Variants in MYLK observed in about 807,000 individuals in gnomAD.
The protein encoded by MYLK is myosin light chain kinase, also known as myosin light chain kinase, smooth muscle.
Under a neutral mutation model 203.4 loss-of-function variants are expected in MYLK, and 106 were observed. The observed-to-expected ratio is 0.52, with a 90% confidence interval of 0.45 to 0.61. The LOEUF is 0.61. Ranked by LOEUF, MYLK falls within the 20% of genes least tolerant of loss-of-function variation. MYLK has a pLI of 0.00. For synonymous variants in MYLK, 867 were observed against 959.5 expected (o/e 0.90, Z 1.78); for missense variants, 2,072 against 2,442.3 (o/e 0.85, Z 3.20).
chr3:123,703,298 G>A (rs255183), intron 16 of MYLK, among the ~76,000 whole-genome samples: 137,940 of 152,206 alleles, frequency 0.91, 64,055 homozygotes, highest in East Asian at 1. Context: ...AATCGTTGCT[G>A]TCCTCCAGCC....
At chr3:123,776,332 A>T (rs1460593685) in intron 4 of MYLK, among the ~76,000 whole-genome samples, 5 of 152,188 alleles carry the variant, frequency 3.3e-5, no homozygotes, top group Non-Finnish European at 1.5e-5. Context: ...TTCCTTACTG[A>T]TAACAGTGCA....
intron 5 of MYLK, among the ~76,000 whole-genome samples, chr3:123,740,726 A>G (rs534539026): frequency 1.3e-3 from 199 of 149,594 alleles, no homozygotes; most frequent in Non-Finnish European, 2.2e-3. Context: ...CTGCTATGCT[A>G]GACACTGCCA....
At chr3:123,615,653 C>CT (rs1553769391) in intron 33 of MYLK, among the ~76,000 whole-genome samples, 138,431 of 144,488 alleles carry the variant, frequency 0.96, 66,431 homozygotes, top group African/African-American at 0.98. Context: ...AATTTTCTAT[C>CT]TTTTTTTTTT....
At chr3:123,619,518 A>G (rs2057724150) in intron 32 of MYLK, among the ~76,000 whole-genome samples, 1 of 152,222 alleles carries the variant, frequency 6.6e-6, no homozygotes, top group African/African-American at 2.4e-5. Flanking sequence ...GTGGATACAA[A>G]AAGCACCAGG....
chr3:123,865,502 C>T (rs1273313897), intron 2 of MYLK, among the ~76,000 whole-genome samples: 3 of 152,316 alleles, frequency 2.0e-5, no homozygotes, highest in Non-Finnish European at 2.9e-5. Flanking sequence ...TCCCTGTGTT[C>T]GTGCATTCAT....
chr3:123,662,399 A>G (rs927276469), intron 23 of MYLK, among the ~76,000 whole-genome samples: 9 of 152,176 alleles, frequency 5.9e-5, no homozygotes, highest in South Asian at 4.2e-4. Context: ...AAGATAGGGG[A>G]GAAAAACTGC....
rs1169317279 is a variant in MYLK, at chr3:123,620,343, A to T, written c.5239-7T>A. On this transcript the variant is annotated splice_region_variant and splice_polypyrimidine_tract_variant and intron_variant, in intron 31 of 33. Transcript: ENST00000360304. ...TCACAGCATTGCCCGTTTTCTGGAA[A>T]ATAGACACGAGGGTTGGACTCAGGC... 6.2e-7 allele frequency: 1 copy of T among 1,614,118 alleles called. No homozygotes were observed. Among genetic ancestry groups the T allele is most frequent in the South Asian group, 1.1e-5 (1 of 91,080 alleles).
Position 123,613,699 on chromosome 3 carries a change from C to A in MYLK, c.*406G>T, listed in dbSNP as rs6438805. ...AGTCAGGGGGTGGGGAGAGAGAGGC[C>A]TCCCATCCCCAGGAACCCTCTGGGC... is the stretch of plus-strand genomic sequence containing the variant. On this transcript the variant is annotated 3_prime_UTR_variant, in exon 34 of 34. Coordinates refer to ENST00000360304, the MANE Select transcript of MYLK (RefSeq NM_053025.4). 4.4e-6 allele frequency: 1 copy of A among 229,530 alleles called. No homozygotes were observed. 14.2% of individuals were successfully genotyped at this position (229,530 alleles called of 1,614,324 possible). A position where few individuals can be genotyped will look rare whatever the true frequency, so the allele number is the denominator to read the frequency against.
At chr3:123,807,015 C>T (rs959948539) in intron 3 of MYLK, among the ~76,000 whole-genome samples, 4 of 152,108 alleles carry the variant, frequency 2.6e-5, no homozygotes, top group Non-Finnish European at 5.9e-5. Context: ...ACACCCGAAG[C>T]TCAAAGACCA....
intron 2 of MYLK, among the ~76,000 whole-genome samples, chr3:123,859,316 C>T (rs149178506): frequency 5.8e-4 from 89 of 152,316 alleles, no homozygotes; most frequent in Middle Eastern, 3.4e-3. Flanking sequence ...GAAAGTTTGG[C>T]AACTAAATGT....
At chr3:123,615,710 A>T (rs2057449015) in intron 33 of MYLK, among the ~76,000 whole-genome samples, 1 of 150,728 alleles carries the variant, frequency 6.6e-6, no homozygotes, top group South Asian at 2.1e-4. Flanking sequence ...GTGCAGCAGC[A>T]TGATCTCGGG....
At chr3:123,620,744 AT>A in intron 31 of MYLK, 1 of 602,194 alleles carries the variant, frequency 1.7e-6, no homozygotes, top group Non-Finnish European at 2.2e-6. Flanking sequence ...CAGTGATGTG[AT>A]TATAATTGGC....
chr3:123,861,872 A>T (rs1032135684), intron 2 of MYLK, among the ~76,000 whole-genome samples: 8 of 152,214 alleles, frequency 5.3e-5, no homozygotes, highest in Non-Finnish European at 1.0e-4. Context: ...TAGTCATCAA[A>T]ACCAGGGATA....
At chr3:123,861,083 T>C (rs941665944) in intron 2 of MYLK, among the ~76,000 whole-genome samples, 1 of 148,942 alleles carries the variant, frequency 6.7e-6, no homozygotes, top group Non-Finnish European at 1.5e-5. Context: ...TTAGCTGAGA[T>C]GGCACCACTG....
chr3:123,720,132 G>A (rs1158850998), intron 13 of MYLK, among the ~76,000 whole-genome samples: 2 of 152,226 alleles, frequency 1.3e-5, no homozygotes, highest in Non-Finnish European at 2.9e-5. Context: ...GTTCTGTCAT[G>A]CAGGCCTCTT....
At position 123,629,592 on chromosome 3, in the gene MYLK, CGTT is replaced by C; in HGVS notation, c.4993_4995del (p.Asn1665del). ...GTAACGTTGGCCAAGGTTTCGTTAT[CGTT>C]GTCTCCCATGAAGGGGGAAAGGCCA... On this transcript the variant is annotated inframe_deletion, in exon 30 of 34. Coordinates refer to ENST00000360304, the MANE Select transcript of MYLK (RefSeq NM_053025.4). This position sits in a 1 kb window ranked among gnomAD's most constrained non-coding sequence, Gnocchi z 4.4. 6.2e-7 allele frequency: 1 copy of C among 1,614,056 alleles called. No homozygotes were observed. Among genetic ancestry groups the C allele is most frequent in the East Asian group, 2.2e-5 (1 of 44,874 alleles).
chr3:123,810,068 A>T (rs780067101), intron 3 of MYLK, among the ~76,000 whole-genome samples: 2 of 152,140 alleles, frequency 1.3e-5, no homozygotes, highest in African/African-American at 2.4e-5. Flanking sequence ...GAGCAGGAAG[A>T]ACTAGGGCCT....
At chr3:123,781,602 C>A (rs1448741449) in intron 4 of MYLK, among the ~76,000 whole-genome samples, 2 of 152,198 alleles carry the variant, frequency 1.3e-5, no homozygotes, top group Non-Finnish European at 2.9e-5. Context: ...CAGATGTGAT[C>A]AGAACAAACC....
intron 2 of MYLK, among the ~76,000 whole-genome samples, chr3:123,874,501 A>T (rs2033023892): frequency 6.6e-6 from 1 of 152,172 alleles, no homozygotes; most frequent in African/African-American, 2.4e-5. Flanking sequence ...ATGGATCAGA[A>T]CTAAATATAC....
Sources: allele counts gnomAD v4.1 joint callset (sites outside exome capture counted in the v4.1 genomes callset), GRCh38; gene constraint gnomAD v4.1.1; non-coding constraint Gnocchi (gnomAD v3.1); transcripts MANE v1.5; gene names NCBI Gene and HGNC (gene_info 2026-07-23, HGNC 2026-07-21).